FMN1: variants seen among roughly 807,000 people sequenced by gnomAD.
FMN1 encodes formin-1.
A neutral mutation model predicts 132.4 loss-of-function variants in FMN1; 110 were observed. The ratio of observed to expected loss-of-function variants is 0.83; its 90% CI spans 0.71 to 0.97. The LOEUF is 0.97. FMN1 is among the 50% of genes least tolerant of loss of function. The pLI is 0.00. For missense variants in FMN1, 1,792 were observed against 1,705.3 expected (o/e 1.05, Z -0.90); for synonymous variants, 722 against 651.7 (o/e 1.11, Z -1.64).
chr15:32,898,947 T>C (rs2060226478), intron 14 of FMN1, 54 bp from the exon 15 acceptor site: 3 of 1,225,810 alleles, frequency 2.4e-6, no homozygotes. Flanking sequence ...ACTGTCATGT[T>C]ACACGGTTGA....
intron 6 of FMN1, among the ~76,000 whole-genome samples, chr15:33,013,762 C>A (rs2034876045): frequency 2.0e-5 from 3 of 152,136 alleles, no homozygotes; most frequent in Admixed American, 6.5e-5. Context: ...TGATAAATAT[C>A]CAAACCCTAA....
intron 4 of FMN1, among the ~76,000 whole-genome samples, chr15:33,126,812 C>T (rs1260592867): frequency 6.6e-6 from 1 of 152,198 alleles, no homozygotes; most frequent in African/African-American, 2.4e-5. Flanking sequence ...GAACTCTTTT[C>T]GATCCGCCTT....
At chr15:33,144,268 A>G (rs1964120978) in intron 4 of FMN1, among the ~76,000 whole-genome samples, 1 of 152,160 alleles carries the variant, frequency 6.6e-6, no homozygotes, top group South Asian at 2.1e-4. Context: ...GAAGCTAGAC[A>G]CTGTGGGGAG....
intron 16 of FMN1, among the ~76,000 whole-genome samples, chr15:32,857,590 C>T (rs916753025): frequency 1.3e-5 from 2 of 152,178 alleles, no homozygotes; most frequent in Non-Finnish European, 2.9e-5. Flanking sequence ...GTGACACACG[C>T]ATCCCAACAT....
chr15:32,978,669 C>T (rs2032404218), intron 7 of FMN1, among the ~76,000 whole-genome samples: 1 of 152,062 alleles, frequency 6.6e-6, no homozygotes, highest in Non-Finnish European at 1.5e-5. Flanking sequence ...GATGATAAAC[C>T]CAGGTCCTTA....
chr15:33,062,232 G>A (rs1313648730), intron 6 of FMN1, among the ~76,000 whole-genome samples: 1 of 152,052 alleles, frequency 6.6e-6, no homozygotes, highest in African/African-American at 2.4e-5. Flanking sequence ...TTTATCCTAA[G>A]ATAAAATACT....
rs143619708 is a variant in FMN1 at position 33,063,632 on chromosome 15, A to T, written c.2161+1325T>A. On this transcript the variant is annotated intron_variant, in intron 6 of 20. Coordinates refer to ENST00000616417, the MANE Select transcript of FMN1 (RefSeq NM_001277313.2). Reference sequence around the variant, plus strand: ...ATACAGTCATATATGTAATTACCCTAGAGAAAATAAAGTTAAGTGCGTTTG... The same window carrying T: ...ATACAGTCATATATGTAATTACCCTTGAGAAAATAAAGTTAAGTGCGTTTG... 99 of 152,278 alleles carry T rather than the reference A, an allele frequency of 6.5e-4. 1 individual carries two copies. The highest frequency in any genetic ancestry group is 2.3e-3 in the African/African-American group (97 of 41,572). 9.4% of individuals were successfully genotyped at this position (152,278 alleles called of 1,614,324 possible).
chr15:32,958,009 A>T (rs1399676329), intron 9 of FMN1, among the ~76,000 whole-genome samples: 3 of 152,142 alleles, frequency 2.0e-5, no homozygotes, highest in Non-Finnish European at 4.4e-5. Context: ...ATTTGTAATA[A>T]TTAGTAATAA....
intron 19 of FMN1, among the ~76,000 whole-genome samples, chr15:32,784,388 C>G (rs1261516414): frequency 6.8e-6 from 1 of 147,472 alleles, no homozygotes; most frequent in African/African-American, 2.5e-5. Flanking sequence ...TTTTTTTTAA[C>G]AGAACTTTTT....
At chr15:33,049,791 G>A (rs756374332) in intron 6 of FMN1, among the ~76,000 whole-genome samples, 2 of 152,136 alleles carry the variant, frequency 1.3e-5, no homozygotes, top group Non-Finnish European at 2.9e-5. Context: ...AATTAATCCC[G>A]TTGCTTCTGT....
chr15:33,066,529 G>A (rs1217356269), intron 5 of FMN1: 37 of 1,559,316 alleles, frequency 2.4e-5, no homozygotes, highest in Non-Finnish European at 3.0e-5. Flanking sequence ...AATCAGAGGG[G>A]CCATCCGCTG....
At chr15:33,177,002 C>T (rs1387513736) in intron 3 of FMN1, among the ~76,000 whole-genome samples, 1 of 152,214 alleles carries the variant, frequency 6.6e-6, no homozygotes, top group Admixed American at 6.5e-5. Context: ...ATTACTGCTG[C>T]TTAGTGATCA....
chr15:33,002,658 GAAGTCATAC>G (rs764097176), intron 7 of FMN1, among the ~76,000 whole-genome samples: 15 of 152,180 alleles, frequency 9.9e-5, no homozygotes, highest in Non-Finnish European at 1.8e-4. Context: ...CCAGCAGGTT[GAAGTCATAC>G]AAGAAAATAA....
At chr15:32,971,964 A>G (rs1045435275) in intron 7 of FMN1, among the ~76,000 whole-genome samples, 1 of 152,142 alleles carries the variant, frequency 6.6e-6, no homozygotes, top group African/African-American at 2.4e-5. Context: ...GCTCTGAGGT[A>G]AGGCATTTGT....
At chr15:32,966,583 T>C (rs1430316901) in intron 8 of FMN1, among the ~76,000 whole-genome samples, 2 of 152,114 alleles carry the variant, frequency 1.3e-5, no homozygotes, top group African/African-American at 4.8e-5. Flanking sequence ...GTCTCTTGCT[T>C]ATTCTAGAAA....
At chr15:33,025,791 GA>G (rs1008747065) in intron 6 of FMN1, among the ~76,000 whole-genome samples, 2 of 151,858 alleles carry the variant, frequency 1.3e-5, no homozygotes, top group Admixed American at 6.6e-5. Context: ...ATTTTAAAAA[GA>G]AAAAAATCTT....
Position 32,772,622 on chromosome 15 carries a change from T to C in FMN1, c.*1688A>G, listed in dbSNP as rs1442535214. On this transcript the variant is annotated 3_prime_UTR_variant, in exon 21 of 21. Coordinates refer to ENST00000616417, the MANE Select transcript of FMN1 (RefSeq NM_001277313.2). ...CTGTTTTGCTTGTCTCGTTCCTTCA[T>C]TGTGAATTTTAAAAATCCAACCATG... 5 of 152,230 alleles carry C rather than the reference T, an allele frequency of 3.3e-5. No individual in the cohort carries two copies. Among genetic ancestry groups the C allele is most frequent in the African/African-American group, 7.2e-5 (3 of 41,458 alleles). The allele number at this position is 152,230 out of a possible 1,614,324, so 9.4% of individuals were successfully genotyped here.
chr15:32,933,277 T>C (rs1278734818), intron 9 of FMN1, among the ~76,000 whole-genome samples: 1 of 152,220 alleles, frequency 6.6e-6, no homozygotes, highest in Non-Finnish European at 1.5e-5. Flanking sequence ...CCTGTATGTA[T>C]AATGTTTCCA....
At chr15:32,862,825 G>A (rs1196719460) in intron 16 of FMN1, among the ~76,000 whole-genome samples, 1 of 152,172 alleles carries the variant, frequency 6.6e-6, no homozygotes, top group Non-Finnish European at 1.5e-5. Flanking sequence ...AGTTTTAGAG[G>A]AAAGGAAAGG....
Sources: allele counts gnomAD v4.1 joint callset (sites outside exome capture counted in the v4.1 genomes callset), GRCh38; gene constraint gnomAD v4.1.1; transcripts MANE v1.5; gene names NCBI Gene and HGNC (gene_info 2026-07-23, HGNC 2026-07-21).